Variants in DNAH5 observed in about 807,000 individuals in gnomAD.
DNAH5 encodes dynein axonemal heavy chain 5.
Under a neutral mutation model 518.2 loss-of-function variants are expected in DNAH5, and 372 were observed. The ratio of observed to expected loss-of-function variants is 0.72; its 90% CI spans 0.66 to 0.78. The LOEUF (loss-of-function observed/expected upper bound fraction) is 0.78, where lower values mean the gene tolerates loss of function less well. Ranked by LOEUF, DNAH5 falls within the 30% of genes least tolerant of loss-of-function variation. DNAH5 has a pLI of 0.00. For synonymous variants in DNAH5, 2,039 were observed against 2,025.9 expected, an observed-to-expected ratio of 1.01 and a Z score of -0.17; for missense variants, 5,523 against 5,687.0, an observed-to-expected ratio of 0.97 and a Z score of 0.93.
chr5:13,716,649 A>C lies in DNAH5; in HGVS notation c.12747T>G (p.Ile4249Met). 1 of 1,613,920 alleles carries C rather than the reference A, an allele frequency of 6.2e-7. No homozygotes were observed. The highest frequency in any genetic ancestry group is 8.5e-7 in the Non-Finnish European group (1 of 1,179,850). The stretch of plus-strand genomic sequence containing the variant: ...CGTCAGTGACTCTGCCTCCATATTG[A>C]ATCTCTCCTATCATGTAGCGGATGG... ...WTTIRYMIGE[I>M]QYGGRVTDDY... is the part of the protein sequence containing the mutation. The change falls in exon 74 of 79, where the codon ATT becomes ATG. Residue 4249 changes from isoleucine (I) to methionine (M), a missense_variant. By Grantham distance (10) the Ile-to-Met change is conservative. Transcript: ENST00000265104.
chr5:13,771,284 A>G (rs1721968791), intron 55 of DNAH5: 1 of 396,648 alleles, frequency 2.5e-6, no homozygotes, highest in Non-Finnish European at 4.7e-6. Context: ...AACCTGTTTT[A>G]TGGTTTACAT....
intron 47 of DNAH5, among the ~76,000 whole-genome samples, chr5:13,798,947 G>A (rs1443984856): frequency 1.3e-5 from 2 of 151,712 alleles, no homozygotes; most frequent in African/African-American, 2.4e-5. Flanking sequence ...TGTATTTTTA[G>A]TAGAGATGGG....
rs1778070027 is a variant in DNAH5 at position 13,928,134 on chromosome 5, G to A, written c.237C>T (p.His79=). The part of the protein sequence containing the change: ...DQLFAVGGLR[H]LMFYYQDVEE... ...CCACATCTTGATAGTAAAACATGAG[G>A]TGTCGGAGACCTCCAACAGCAAAAA... The change falls in exon 3 of 79, where the codon CAC becomes CAT. Residue 79 remains histidine, a synonymous_variant. Coordinates refer to ENST00000265104, the MANE Select transcript of DNAH5 (RefSeq NM_001369.3). 1 of 1,613,854 alleles carries A rather than the reference G, an allele frequency of 6.2e-7. No homozygotes were observed. The highest frequency in any genetic ancestry group is 1.3e-5 in the African/African-American group (1 of 74,898).
rs913076892 is a variant in DNAH5 at position 13,872,620 on chromosome 5, A to G, written c.3397-855T>C. Among the ~76,000 whole-genome samples, 6 of 152,210 alleles carry G rather than the reference A, an allele frequency of 3.9e-5. No homozygotes were observed. In the South Asian group the frequency reaches 6.2e-4, roughly 16 times the overall value. Reference sequence around the variant, plus strand: ...TGTAAATCAACAGTCTAGTTTGCTAACCAAGTATGCATCTGTAAAGATGAA... The same window carrying G: ...TGTAAATCAACAGTCTAGTTTGCTAGCCAAGTATGCATCTGTAAAGATGAA... On this transcript the variant is annotated intron_variant, in intron 22 of 78. Coordinates refer to ENST00000265104, the MANE Select transcript of DNAH5 (RefSeq NM_001369.3).
At chr5:13,911,303 G>C in intron 12 of DNAH5, 83 bp downstream of exon 12, 1 of 1,047,296 alleles carries the variant, frequency 9.5e-7, no homozygotes. Flanking sequence ...TCTGCCTTCT[G>C]ATTGGGTAAT....
At chr5:13,755,998 C>T (rs928863123) in intron 61 of DNAH5, among the ~76,000 whole-genome samples, 2 of 152,194 alleles carry the variant, frequency 1.3e-5, no homozygotes, top group Non-Finnish European at 2.9e-5. Context: ...GAGTTCCCCC[C>T]AGCCTGTTGA....
At chr5:13,886,836 T>C (rs1311676597) in intron 17 of DNAH5, among the ~76,000 whole-genome samples, 1 of 152,214 alleles carries the variant, frequency 6.6e-6, no homozygotes, top group Non-Finnish European at 1.5e-5. Flanking sequence ...CAGTCTCAAT[T>C]CCCTCATATG....
intron 1 of DNAH5, among the ~76,000 whole-genome samples, chr5:13,944,166 C>T (rs1395068779): frequency 3.3e-5 from 5 of 152,156 alleles, no homozygotes; most frequent in Admixed American, 6.5e-5. Flanking sequence ...GTAGTTTAAG[C>T]GGCAACGTGC....
intron 46 of DNAH5, 143 bp from the exon 47 acceptor site, chr5:13,807,868 A>G: frequency 1.4e-6 from 1 of 722,640 alleles, no homozygotes; most frequent in Non-Finnish European, 2.3e-6. Context: ...GTCTTTAAAG[A>G]GGTGACTAAG....
At chr5:13,697,583 C>G (rs1347049485) in intron 78 of DNAH5, among the ~76,000 whole-genome samples, 1 of 152,186 alleles carries the variant, frequency 6.6e-6, no homozygotes. Context: ...GGTGTGAAAT[C>G]CACCTTTAAA....
chr5:13,991,881 C>T (rs1361627569), intron 1 of DNAH5, among the ~76,000 whole-genome samples: 1 of 152,128 alleles, frequency 6.6e-6, no homozygotes, highest in Non-Finnish European at 1.5e-5. Context: ...ATGTGTCTAC[C>T]CCTTAAAAAC....
intron 64 of DNAH5, 134 bp from the exon 65 acceptor site, chr5:13,751,394 A>G: frequency 1.1e-6 from 1 of 879,058 alleles, no homozygotes; most frequent in Non-Finnish European, 1.8e-6. Context: ...AGAAATGGTC[A>G]TGAGGCGTCT....
rs1334042443 is a variant in DNAH5 at position 13,841,803 on chromosome 5, A to C, written c.5373T>G (p.Ser1791=). 6.2e-7 allele frequency: 1 copy of C among 1,613,710 alleles called. No individual in the cohort carries two copies. Among genetic ancestry groups the C allele is most frequent in the African/African-American group, 1.3e-5 (1 of 74,998 alleles). ...ATGAGGACTGAGATTCTTCCAAAAG[A>C]GAATTAAGCCAAACTTCCACATTGC... ...AEGNVEVWLN[S]LLEESQSSLH... Residue 1791 remains serine, a synonymous_variant, in exon 33 of 79, where the codon TCT becomes TCG. Coordinates refer to ENST00000265104, the MANE Select transcript of DNAH5 (RefSeq NM_001369.3).
At chr5:13,871,861 T>C in intron 22 of DNAH5, 96 bp from the exon 23 acceptor site, 1 of 1,096,964 alleles carries the variant, frequency 9.1e-7, no homozygotes, top group Non-Finnish European at 1.4e-6. Context: ...TTCCTATGGA[T>C]TTATTAAAAT....
intron 5 of DNAH5, 130 bp downstream of exon 5, chr5:13,921,977 T>G: frequency 1.1e-6 from 1 of 905,800 alleles, no homozygotes; most frequent in Non-Finnish European, 1.8e-6. Flanking sequence ...GCAATAAAAT[T>G]GCCTACAAAA....
In DNAH5 at chr5:13,752,290, C is replaced by G. The variant is rs1298882539; in HGVS notation, c.10873-1G>C. The G allele has an allele frequency of 6.2e-7, 1 of 1,613,850 alleles. No individual in the cohort carries two copies. Among genetic ancestry groups the G allele is most frequent in the East Asian group, 2.2e-5 (1 of 44,862 alleles). ...AGTACTTGTGATTTAAAGACGTGAT[C>G]TAGGAACAGGATCACAAGGTTGCTA... On this transcript the variant is annotated splice_acceptor_variant, in intron 63 of 78. Transcript: ENST00000265104. LOFTEE classifies it high-confidence loss of function.
At chr5:13,803,054 T>C (rs1291167321) in intron 47 of DNAH5, among the ~76,000 whole-genome samples, 1 of 151,990 alleles carries the variant, frequency 6.6e-6, no homozygotes, top group African/African-American at 2.4e-5. Flanking sequence ...ATGAAAGCAA[T>C]TCATGAGCTT....
In DNAH5 at chr5:13,829,511, T is replaced by G; in HGVS notation, c.6443A>C (p.Gln2148Pro). 1 of 1,614,154 alleles carries G rather than the reference T, an allele frequency of 6.2e-7. No homozygotes were observed. Among genetic ancestry groups the G allele is most frequent in the Non-Finnish European group, 8.5e-7 (1 of 1,180,010 alleles). The change falls in exon 38 of 79, where the codon CAG becomes CCG. Residue 2148 changes from glutamine to proline, a missense_variant and splice_region_variant. By Grantham distance (76) the Gln-to-Pro change is moderately conservative. Transcript: ENST00000265104. Reference sequence around the variant, plus strand: ...CATAAGACCTCCAGGATGACACACCTGCTTAGAAAGCTGCTCCTCACACAG... The same window carrying G: ...CATAAGACCTCCAGGATGACACACCGGCTTAGAAAGCTGCTCCTCACACAG... Reference protein sequence around the residue: ...YKLCEEQLSKQVHYDFGLRNI... With the variant: ...YKLCEEQLSKPVHYDFGLRNI...
Position 13,820,954 on chromosome 5 carries a change from G to A in DNAH5, c.6688-455C>T, listed in dbSNP as rs1163200952. ...TGAGTACAGAGTTTCAATTTGGGAT[G>A]ATAAAAAAGGTTCTGAAGATGGATG... is the stretch of plus-strand genomic sequence containing the variant. On this transcript the variant is annotated intron_variant, in intron 40 of 78. Transcript: ENST00000265104. Among the ~76,000 whole-genome samples, 10 of 152,036 alleles carry A rather than the reference G, an allele frequency of 6.6e-5. 1 individual carries two copies. The highest frequency in any genetic ancestry group is 6.6e-4 in the Admixed American group (10 of 15,254).
Sources: allele counts gnomAD v4.1 joint callset (sites outside exome capture counted in the v4.1 genomes callset), GRCh38; gene constraint gnomAD v4.1.1; transcripts MANE v1.5; gene names NCBI Gene and HGNC (gene_info 2026-07-23, HGNC 2026-07-21).